Variants in CDH11 observed in about 807,000 individuals in gnomAD.
CDH11 encodes cadherin 11.
CDH11 carries 11 observed loss-of-function variants against 67.8 expected under a neutral mutation model. The observed-to-expected ratio is 0.16, with a 90% CI of 0.10 to 0.27. CDH11 has a LOEUF of 0.27. Among genes scored for constraint, CDH11 ranks in the 10% least tolerant of loss-of-function variants. The pLI, the probability that CDH11 is intolerant of heterozygous loss-of-function variation, is 1.00. For synonymous variants in CDH11, 419 were observed against 400.0 expected (o/e 1.05, Z -0.57); for missense variants, 847 against 1,031.2 (o/e 0.82, Z 2.45).
At chr16:65,042,036 A>G (rs2073876605) in intron 2 of CDH11, among the ~76,000 whole-genome samples, 1 of 152,216 alleles carries the variant, frequency 6.6e-6, no homozygotes, top group African/African-American at 2.4e-5. Context: ...CAAACATACC[A>G]ACCATCATAT....
At chr16:65,049,349 T>C (rs1306330167) in intron 2 of CDH11, among the ~76,000 whole-genome samples, 5 of 152,096 alleles carry the variant, frequency 3.3e-5, no homozygotes, top group Admixed American at 6.5e-5. Context: ...TAGGAAGCAC[T>C]ACAGTGCTGT....
intron 2 of CDH11, among the ~76,000 whole-genome samples, chr16:65,011,491 A>G (rs553924096): frequency 7.9e-5 from 12 of 152,308 alleles, no homozygotes; most frequent in African/African-American, 2.6e-4. Flanking sequence ...CAGGAATCCA[A>G]TGTAAGGCCC....
chr16:65,061,884 A>G (rs2074240521), intron 1 of CDH11, among the ~76,000 whole-genome samples: 1 of 152,204 alleles, frequency 6.6e-6, no homozygotes, highest in African/African-American at 2.4e-5. Context: ...TCATCTTATG[A>G]CAATCTTATA....
intron 2 of CDH11, among the ~76,000 whole-genome samples, chr16:65,008,337 G>A (rs1372184925): frequency 2.6e-5 from 4 of 152,066 alleles, no homozygotes; most frequent in Non-Finnish European, 5.9e-5. Context: ...TTGCTTTTAA[G>A]AGCAATGGTC....
chr16:65,002,077 G>A (rs1457597777), intron 3 of CDH11, among the ~76,000 whole-genome samples: 1 of 152,062 alleles, frequency 6.6e-6, no homozygotes, highest in Non-Finnish European at 1.5e-5. Flanking sequence ...CTATTTCCAG[G>A]GAACTGTCTC....
Position 64,944,800 on chromosome 16 carries a change from T to C in CDH11, c.*2803A>G. ...GCCTAATTTCCGCTCACACTCTATA[T>C]CTCACCATCTCCTTCCTGTTATATC... On this transcript the variant is annotated 3_prime_UTR_variant, in exon 13 of 13. Transcript: ENST00000268603. 1 of 230,078 alleles carries C rather than the reference T, an allele frequency of 4.3e-6. No homozygotes were observed. The highest frequency in any genetic ancestry group is 8.6e-6 in the Non-Finnish European group (1 of 115,960). The allele number at this position is 230,078 out of a possible 1,614,324, so 14.3% of individuals were successfully genotyped here.
intron 7 of CDH11, chr16:64,987,067 A>G (rs1281490774): frequency 6.6e-6 from 1 of 152,216 alleles, no homozygotes; most frequent in East Asian, 1.9e-4. Flanking sequence ...TTCATGCTAT[A>G]AAACTAAGTT....
chr16:65,100,529 G>C (rs534400601), intron 1 of CDH11, among the ~76,000 whole-genome samples: 1 of 152,152 alleles, frequency 6.6e-6, no homozygotes, highest in East Asian at 1.9e-4. Context: ...ACGAGGTCAG[G>C]AAATCGAGAC....
chr16:64,954,379 A>G (rs1360881436), intron 11 of CDH11, among the ~76,000 whole-genome samples: 6 of 152,182 alleles, frequency 3.9e-5, no homozygotes, highest in African/African-American at 7.2e-5. Flanking sequence ...TCTGCTTTCA[A>G]TTGGGTAACT....
intron 1 of CDH11, among the ~76,000 whole-genome samples, chr16:65,104,205 C>A (rs1473213380): frequency 6.6e-6 from 1 of 152,112 alleles, no homozygotes; most frequent in Non-Finnish European, 1.5e-5. Context: ...AAGCATGACA[C>A]CTTCATAAGC....
intron 7 of CDH11, among the ~76,000 whole-genome samples, chr16:64,983,411 T>C (rs2142464946): frequency 6.6e-6 from 1 of 152,308 alleles, no homozygotes; most frequent in South Asian, 2.1e-4. Context: ...GTGCTCTGGA[T>C]GTTGCTGAAC....
intron 2 of CDH11, among the ~76,000 whole-genome samples, chr16:65,052,103 T>G (rs958993161): frequency 2.6e-5 from 4 of 152,168 alleles, no homozygotes; most frequent in African/African-American, 9.7e-5. Context: ...TATTATGACT[T>G]TTCTCTGTTA....
intron 1 of CDH11, among the ~76,000 whole-genome samples, chr16:65,064,310 C>T (rs1307293827): frequency 1.3e-5 from 2 of 152,238 alleles, no homozygotes; most frequent in Admixed American, 6.5e-5. Context: ...ACTCTGTTTC[C>T]TTACCTGTAA....
At position 64,972,848 on chromosome 16, in the gene CDH11, G is replaced by A. The variant is rs941099973; in HGVS notation, c.1390+56C>T. On this transcript the variant is annotated intron_variant, in intron 9 of 12. Coordinates refer to ENST00000268603, the MANE Select transcript of CDH11 (RefSeq NM_001797.4). ...GCTATTTTACTTTCCAGAATATAGA[G>A]TCTGAAGCGATAATACTTGGTAAAG... 3 of 1,577,234 alleles carry A rather than the reference G, an allele frequency of 1.9e-6. No individual in the cohort carries two copies. The African/African-American group carries it at 4.1e-5, about 21-fold the overall frequency.
chr16:64,968,483 T>C, intron 11 of CDH11: 1 of 985,122 alleles, frequency 1.0e-6, no homozygotes, highest in Non-Finnish European at 1.2e-6. Flanking sequence ...CCATTCCTGA[T>C]ATTAACAGCC....
chr16:64,980,919 T>A (rs1240989053), intron 8 of CDH11, among the ~76,000 whole-genome samples: 3 of 151,916 alleles, frequency 2.0e-5, no homozygotes, highest in Admixed American at 6.6e-5. Flanking sequence ...TAGAATCCGG[T>A]CCAGGGGAAA....
chr16:64,957,823 C>A (rs567251157), intron 11 of CDH11, among the ~76,000 whole-genome samples: 29 of 152,238 alleles, frequency 1.9e-4, no homozygotes, highest in Middle Eastern at 3.4e-3. Context: ...CACTCATTTA[C>A]ATTTGTGAAT....
intron 11 of CDH11, among the ~76,000 whole-genome samples, chr16:64,960,394 T>C (rs2071641802): frequency 6.6e-6 from 1 of 152,200 alleles, no homozygotes; most frequent in Non-Finnish European, 1.5e-5. Context: ...AACCCACTTT[T>C]CTTAAGTGTT....
At chr16:65,003,587 A>T (rs535505786) in intron 3 of CDH11, among the ~76,000 whole-genome samples, 1 of 152,340 alleles carries the variant, frequency 6.6e-6, no homozygotes, top group African/African-American at 2.4e-5. Context: ...TAATGTCACT[A>T]TCATCTGAAA....
Sources: gnomAD v4.1 joint callset for allele counts (sites outside exome capture counted in the v4.1 genomes callset) on GRCh38, gnomAD v4.1.1 for gene constraint, MANE v1.5 for transcripts, NCBI Gene and HGNC (gene_info 2026-07-23, HGNC 2026-07-21) for gene names.